The following SLC13A1 variants were observed in gnomAD, a reference collection of about 807,000 sequenced individuals.
SLC13A1 encodes the protein Na(+)/sulfate cotransporter.
SLC13A1 carries 65 observed loss-of-function variants against 70.0 expected under a neutral mutation model. That is an observed-to-expected ratio of 0.93 (90% CI 0.76 to 1.14). The LOEUF is 1.14. Ranked by LOEUF, SLC13A1 falls within the 50% of genes most tolerant of loss-of-function variation. The pLI, the probability that SLC13A1 is intolerant of heterozygous loss-of-function variation, is 0.00. For synonymous variants in SLC13A1, 275 were observed against 250.5 expected (o/e 1.10, Z -0.92); for missense variants, 726 against 717.8 (o/e 1.01, Z -0.13).
chr7:123,182,462 C>G (rs536863908), intron 1 of SLC13A1, among the ~76,000 whole-genome samples: 1 of 152,220 alleles, frequency 6.6e-6, no homozygotes, highest in South Asian at 2.1e-4. Flanking sequence ...TCTCTCAAAT[C>G]TGCCCCTCCA....
intron 12 of SLC13A1, among the ~76,000 whole-genome samples, chr7:123,119,471 T>C (rs1006710113): frequency 2.6e-5 from 4 of 152,032 alleles, no homozygotes; most frequent in Admixed American, 6.6e-5. Context: ...TTGAAATGTA[T>C]TACCACTTTT....
At chr7:123,135,493 C>G (rs923765495) in intron 7 of SLC13A1, among the ~76,000 whole-genome samples, 2 of 151,934 alleles carry the variant, frequency 1.3e-5, no homozygotes, top group Non-Finnish European at 2.9e-5. Flanking sequence ...ATAAAAACAT[C>G]ATTAACATAT....
chr7:123,140,082 A>T lies in SLC13A1; in HGVS notation c.813-5553T>A, dbSNP rs1463067466. 5.4e-5 allele frequency among the ~76,000 whole-genome samples: 5 copies of T among 92,004 alleles called. No individual in the cohort carries two copies. The East Asian group carries it at 1.8e-3, about 33-fold the overall frequency. The allele number at this position is 92,004 out of a possible 152,430, so 60.4% of individuals were successfully genotyped here. A position where few individuals can be genotyped will look rare whatever the true frequency, so the allele number is the denominator to read the frequency against. The stretch of plus-strand genomic sequence containing the variant: ...CTGTCGTATACAGCTTCTTTTTTTA[A>T]AAAAAATTGTTAAGGTATTTTCCTT... On this transcript the variant is annotated intron_variant, in intron 7 of 14. Coordinates refer to ENST00000194130, the MANE Select transcript of SLC13A1 (RefSeq NM_022444.4).
chr7:123,189,116 A>G (rs1795914139), intron 1 of SLC13A1, among the ~76,000 whole-genome samples: 1 of 148,466 alleles, frequency 6.7e-6, no homozygotes, highest in African/African-American at 2.5e-5. Context: ...CTCCGTCTCA[A>G]AAAAAAAAAA....
intron 7 of SLC13A1, among the ~76,000 whole-genome samples, chr7:123,145,305 A>T (rs1349568728): frequency 6.6e-6 from 1 of 152,148 alleles, no homozygotes; most frequent in Admixed American, 6.6e-5. Flanking sequence ...GTGAGCTTGA[A>T]ATCTGAATTG....
intron 10 of SLC13A1, among the ~76,000 whole-genome samples, chr7:123,126,807 G>T (rs537449997): frequency 6.6e-6 from 1 of 151,776 alleles, no homozygotes; most frequent in African/African-American, 2.4e-5. Flanking sequence ...TATAATTTTT[G>T]GTTGTATTTT....
intron 6 of SLC13A1, 103 bp from the exon 7 acceptor site, chr7:123,147,413 T>G (rs369830998): frequency 7.6e-7 from 1 of 1,307,502 alleles, no homozygotes. Flanking sequence ...GTTGAAACCC[T>G]AACTCCTGAT....
intron 2 of SLC13A1, among the ~76,000 whole-genome samples, chr7:123,175,148 A>C (rs2116582675): frequency 6.6e-6 from 1 of 152,210 alleles, no homozygotes; most frequent in East Asian, 1.9e-4. Flanking sequence ...AAATTTAATA[A>C]GTCCCTAGAC....
At chr7:123,181,732 G>T (rs1795648327) in intron 1 of SLC13A1, among the ~76,000 whole-genome samples, 1 of 152,142 alleles carries the variant, frequency 6.6e-6, no homozygotes, top group African/African-American at 2.4e-5. Flanking sequence ...GCATTGTTAA[G>T]AGATGGTCAA....
intron 6 of SLC13A1, among the ~76,000 whole-genome samples, chr7:123,155,872 A>G (rs1344212443): frequency 2.6e-5 from 4 of 152,026 alleles, no homozygotes; most frequent in African/African-American, 9.7e-5. Context: ...TTCAACTTGT[A>G]AGCTATCGCT....
chr7:123,128,439 T>G (rs2470981), intron 10 of SLC13A1, among the ~76,000 whole-genome samples: 4,453 of 152,084 alleles, frequency 0.029, 211 homozygotes, highest in African/African-American at 0.1. Flanking sequence ...ACCCTGAGAA[T>G]TAAGTGACTT....
Position 123,171,878 on chromosome 7 carries a change from A to G in SLC13A1, c.255T>C (p.Phe85=), listed in dbSNP as rs760807455. The change falls in exon 3 of 15, where the codon TTT becomes TTC. Residue 85 remains phenylalanine, a synonymous_variant. Transcript: ENST00000194130. The stretch of plus-strand genomic sequence containing the variant: ...AGATAACTCCAATTAGCAGTAAGTG[A>G]AAATCCTTGAAATAAGCAGATGCCA... ...KKVASAYFKD[F]HLLLIGVICL... 3 of 1,613,242 alleles carry G rather than the reference A, an allele frequency of 1.9e-6. No individual in the cohort carries two copies. The highest frequency in any genetic ancestry group is 2.7e-5 in the African/African-American group (2 of 75,036).
chr7:123,138,455 C>T (rs760539099), intron 7 of SLC13A1, among the ~76,000 whole-genome samples: 2 of 152,118 alleles, frequency 1.3e-5, no homozygotes, highest in Non-Finnish European at 2.9e-5. Flanking sequence ...TGCTGAATCA[C>T]ATGGTAGCTT....
intron 4 of SLC13A1, 89 bp downstream of exon 4, chr7:123,169,059 G>C: frequency 7.3e-6 from 9 of 1,228,784 alleles, no homozygotes; most frequent in Non-Finnish European, 1.1e-5. Context: ...TGTATAGATG[G>C]TTAATTCAAA....
At chr7:123,181,766 T>C (rs1423764212) in intron 1 of SLC13A1, among the ~76,000 whole-genome samples, 2 of 152,178 alleles carry the variant, frequency 1.3e-5, no homozygotes, top group African/African-American at 2.4e-5. Flanking sequence ...ATTTAACTTA[T>C]ATAGATAACT....
intron 12 of SLC13A1, among the ~76,000 whole-genome samples, chr7:123,122,471 A>G (rs1332506732): frequency 6.6e-6 from 1 of 152,132 alleles, no homozygotes; most frequent in Non-Finnish European, 1.5e-5. Flanking sequence ...AACTCTACAA[A>G]GACCAGGGCA....
intron 10 of SLC13A1, among the ~76,000 whole-genome samples, chr7:123,128,624 C>T (rs978151363): frequency 7.2e-5 from 11 of 152,100 alleles, no homozygotes; most frequent in Non-Finnish European, 1.0e-4. Context: ...TGGACTTTGC[C>T]TTTCAGTAAC....
At chr7:123,118,836 G>T (rs79860884) in intron 13 of SLC13A1, among the ~76,000 whole-genome samples, 6 of 152,140 alleles carry the variant, frequency 3.9e-5, no homozygotes, top group African/African-American at 1.4e-4. Flanking sequence ...AACGAAAAAA[G>T]CTGGACTGAG....
At chr7:123,147,876 T>C (rs1475938266) in intron 6 of SLC13A1, among the ~76,000 whole-genome samples, 1 of 152,156 alleles carries the variant, frequency 6.6e-6, no homozygotes, top group Non-Finnish European at 1.5e-5. Flanking sequence ...CCCATGTCTT[T>C]CCTTCTCACC....
Sources: allele counts gnomAD v4.1 joint callset (sites outside exome capture counted in the v4.1 genomes callset), GRCh38; gene constraint gnomAD v4.1.1; transcripts MANE v1.5; gene names NCBI Gene and HGNC (gene_info 2026-07-23, HGNC 2026-07-21).